ADCY8: variants seen among roughly 807,000 people sequenced by gnomAD.
The protein encoded by ADCY8 is adenylate cyclase type 8.
Under a neutral mutation model 119.7 loss-of-function variants are expected in ADCY8, and 51 were observed. The observed-to-expected ratio is 0.43, with a 90% CI of 0.34 to 0.54. The LOEUF (loss-of-function observed/expected upper bound fraction) is 0.54. ADCY8 is among the 20% of genes least tolerant of loss of function. The pLI is 0.03. For synonymous variants in ADCY8, 665 were observed against 651.0 expected (o/e 1.02, Z -0.33); for missense variants, 1,383 against 1,598.8 (o/e 0.87, Z 2.30).
rs539708245 is a variant in ADCY8 at position 130,894,051 on chromosome 8, T to C, written c.1912-9290A>G. On this transcript the variant is annotated intron_variant, in intron 7 of 17. Coordinates refer to ENST00000286355, the MANE Select transcript of ADCY8 (RefSeq NM_001115.3). ...GGGTTGCTGATAAATTGCTCATGTT[T>C]GGTGTTTTAAATTTCTCAGTATGAG... 1.5e-3 allele frequency among the ~76,000 whole-genome samples: 235 copies of C among 152,296 alleles called. 1 individual carries two copies. The highest frequency in any genetic ancestry group is 5.2e-3 in the African/African-American group (218 of 41,574).
intron 5 of ADCY8, among the ~76,000 whole-genome samples, chr8:130,912,609 A>T (rs967452589): frequency 6.6e-6 from 1 of 152,220 alleles, no homozygotes; most frequent in Non-Finnish European, 1.5e-5. Flanking sequence ...CTTAAATTGT[A>T]AGGTAATGCA....
chr8:130,950,976 G>T (rs1821251700), intron 3 of ADCY8, among the ~76,000 whole-genome samples: 1 of 152,222 alleles, frequency 6.6e-6, no homozygotes, highest in Non-Finnish European at 1.5e-5. Context: ...GGGATTACAG[G>T]CGCGAGCGAC....
intron 5 of ADCY8, among the ~76,000 whole-genome samples, chr8:130,920,360 C>T (rs1043206559): frequency 3.3e-5 from 5 of 152,024 alleles, no homozygotes; most frequent in Admixed American, 6.6e-5. Context: ...GAACCAAAAA[C>T]ACCGTGATCC....
intron 8 of ADCY8, among the ~76,000 whole-genome samples, chr8:130,879,422 T>C (rs1163655698): frequency 1.3e-5 from 2 of 152,212 alleles, no homozygotes; most frequent in African/African-American, 4.8e-5. Context: ...CTGACAAACC[T>C]TCTACTGCAA....
chr8:130,981,751 CA>C (rs1358849323), intron 2 of ADCY8, among the ~76,000 whole-genome samples: 1 of 152,122 alleles, frequency 6.6e-6, no homozygotes, highest in African/African-American at 2.4e-5. Context: ...ACACAAATAA[CA>C]AGAAGAAAAA....
intron 11 of ADCY8, among the ~76,000 whole-genome samples, chr8:130,845,763 T>C (rs940475892): frequency 1.3e-5 from 2 of 152,068 alleles, no homozygotes; most frequent in African/African-American, 4.8e-5. Flanking sequence ...TACTTTCTCC[T>C]CTAGGGACCA....
chr8:130,881,277 T>C (rs1209923638), intron 8 of ADCY8, among the ~76,000 whole-genome samples: 1 of 152,212 alleles, frequency 6.6e-6, no homozygotes, highest in African/African-American at 2.4e-5. Flanking sequence ...CCATGAATTA[T>C]ATAAAAGTCC....
chr8:131,005,589 A>C (rs1340498146), intron 1 of ADCY8, among the ~76,000 whole-genome samples: 1 of 152,208 alleles, frequency 6.6e-6, no homozygotes, highest in Non-Finnish European at 1.5e-5. Context: ...TCTGGACTGT[A>C]TCTATCAAGT....
intron 8 of ADCY8, among the ~76,000 whole-genome samples, chr8:130,869,445 A>G (rs958809989): frequency 6.6e-6 from 1 of 152,056 alleles, no homozygotes; most frequent in Non-Finnish European, 1.5e-5. Flanking sequence ...ATTCCTTCTA[A>G]CAACCAATTA....
At chr8:130,946,103 C>T (rs1821098149) in intron 3 of ADCY8, among the ~76,000 whole-genome samples, 1 of 152,180 alleles carries the variant, frequency 6.6e-6, no homozygotes, top group Non-Finnish European at 1.5e-5. Flanking sequence ...TTTATGAATC[C>T]ATAAGCCCAA....
intron 8 of ADCY8, among the ~76,000 whole-genome samples, chr8:130,875,751 CT>C (rs1818538079): frequency 6.6e-6 from 1 of 152,152 alleles, no homozygotes; most frequent in East Asian, 1.9e-4. Flanking sequence ...CTCCATTTAA[CT>C]TTGATTTTCT....
At chr8:131,013,079 C>T (rs1293446063) in intron 1 of ADCY8, among the ~76,000 whole-genome samples, 2 of 152,106 alleles carry the variant, frequency 1.3e-5, no homozygotes, top group Non-Finnish European at 2.9e-5. Context: ...ATAATGACTA[C>T]CCATATATAA....
rs529514552 is a variant in ADCY8 at position 130,833,777 on chromosome 8, G to T, written c.2675+2500C>A. ...CAAACTGAGCACAGGGTCACTACTG[G>T]TAGGCCTACTCTTGTTGACAAAACT... On this transcript the variant is annotated intron_variant, in intron 12 of 17. Coordinates refer to ENST00000286355, the MANE Select transcript of ADCY8 (RefSeq NM_001115.3). Among the ~76,000 whole-genome samples, 7 of 152,248 alleles carry T rather than the reference G, an allele frequency of 4.6e-5. No homozygotes were observed. The South Asian group carries it at 1.2e-3, about 27-fold the overall frequency.
intron 6 of ADCY8, among the ~76,000 whole-genome samples, chr8:130,906,283 G>A (rs1819782671): frequency 6.6e-6 from 1 of 152,222 alleles, no homozygotes; most frequent in African/African-American, 2.4e-5. Flanking sequence ...AGTTAAGACT[G>A]GAAGCTTACC....
intron 2 of ADCY8, among the ~76,000 whole-genome samples, chr8:130,972,452 T>C (rs1394940084): frequency 6.6e-6 from 1 of 152,210 alleles, no homozygotes; most frequent in Non-Finnish European, 1.5e-5. Flanking sequence ...TAGACCTTGA[T>C]TCATTTGCTT....
intron 3 of ADCY8, among the ~76,000 whole-genome samples, chr8:130,945,389 C>T (rs971575063): frequency 8.5e-5 from 13 of 152,190 alleles, no homozygotes; most frequent in African/African-American, 2.4e-4. Context: ...TCTACAGTTC[C>T]GTGGTGGCAG....
chr8:130,821,467 A>G (rs1816506291), intron 12 of ADCY8, 47 bp from the exon 13 acceptor site: 1 of 1,442,332 alleles, frequency 6.9e-7, no homozygotes, highest in East Asian at 2.3e-5. Flanking sequence ...GACTTCAAGG[A>G]GACCTATGAG....
chr8:130,987,458 C>A (rs780322840), intron 2 of ADCY8, among the ~76,000 whole-genome samples: 1 of 151,710 alleles, frequency 6.6e-6, no homozygotes, highest in East Asian at 2.0e-4. Flanking sequence ...AATTAATTCA[C>A]GGTTGAACAA....
intron 1 of ADCY8, among the ~76,000 whole-genome samples, chr8:131,003,185 G>A (rs1334517901): frequency 6.9e-6 from 1 of 143,888 alleles, no homozygotes; most frequent in Non-Finnish European, 1.5e-5. Context: ...CTCCAGCCTG[G>A]GCAACAAGAG....
Sources: allele counts gnomAD v4.1 joint callset (sites outside exome capture counted in the v4.1 genomes callset), GRCh38; gene constraint gnomAD v4.1.1; transcripts MANE v1.5; gene names NCBI Gene and HGNC (gene_info 2026-07-23, HGNC 2026-07-21).